The following LRRK2 variants were observed in gnomAD, a reference collection of about 807,000 sequenced individuals.
LRRK2 encodes leucine rich repeat kinase 2.
Under a neutral mutation model 302.6 loss-of-function variants are expected in LRRK2, and 203 were observed. The observed-to-expected ratio is 0.67, with a 90% CI of 0.60 to 0.75. The LOEUF is 0.75. Among genes scored for constraint, LRRK2 ranks in the 30% least tolerant of loss-of-function variants. LRRK2 has a pLI of 0.00. For missense variants in LRRK2, 2,830 were observed against 2,951.0 expected, an observed-to-expected ratio of 0.96 and a Z score of 0.95; for synonymous variants, 1,066 against 1,031.9, an observed-to-expected ratio of 1.03 and a Z score of -0.63.
At chr12:40,348,315 C>A in intron 42 of LRRK2, 94 bp from the exon 43 acceptor site, 1 of 826,142 alleles carries the variant, frequency 1.2e-6, no homozygotes, top group East Asian at 2.6e-5. Flanking sequence ...TAATATTTTT[C>A]TTTGCAATGT....
intron 46 of LRRK2, among the ~76,000 whole-genome samples, chr12:40,358,728 T>G (rs979892619): frequency 3.4e-4 from 14 of 40,854 alleles, no homozygotes; most frequent in African/African-American, 1.0e-3. Context: ...CCACTCAAGT[T>G]TTAGAAATTT....
chr12:40,251,317 T>C lies in LRRK2; in HGVS notation c.1044T>C (p.Phe348=). The change falls in exon 9 of 51, where the codon TTT becomes TTC. Residue 348 remains phenylalanine, a synonymous_variant. Transcript: ENST00000298910. ...ATGAGGGGGAAGAAGATAAATTGTT[T>C]TGGCTGGAAGCCTGTTACAAAGCAT... ...NDDEGEEDKL[F]WLEACYKALT... The C allele has an allele frequency of 1.2e-6, 2 of 1,613,890 alleles. No homozygotes were observed. Among genetic ancestry groups the C allele is most frequent in the Middle Eastern group, 3.3e-4 (2 of 6,060 alleles).
intron 44 of LRRK2, among the ~76,000 whole-genome samples, chr12:40,352,254 A>C (rs1372627978): frequency 6.6e-6 from 1 of 152,164 alleles, no homozygotes; most frequent in African/African-American, 2.4e-5. Context: ...TGTGATAAAT[A>C]GCACATCTCT....
At position 40,240,625 on chromosome 12, in the gene LRRK2, G is replaced by T. The variant is rs745873823; in HGVS notation, c.706+8G>T. ...ATTCCCTAGCGATTCCTTGTAAGTA[G>T]CATTTAAATGTTATTTATTTTTTGT... On this transcript the variant is annotated splice_region_variant and intron_variant, in intron 6 of 50. Coordinates refer to ENST00000298910, the MANE Select transcript of LRRK2 (RefSeq NM_198578.4). 5 of 1,610,988 alleles carry T rather than the reference G, an allele frequency of 3.1e-6. No homozygotes were observed. Among genetic ancestry groups the T allele is most frequent in the East Asian group, 2.2e-5 (1 of 44,746 alleles).
intron 33 of LRRK2, among the ~76,000 whole-genome samples, chr12:40,317,732 G>T (rs182853438): frequency 2.8e-4 from 43 of 152,212 alleles, no homozygotes; most frequent in African/African-American, 9.9e-4. Context: ...TAAGGCATCA[G>T]TTAGCTATTC....
Position 40,251,222 on chromosome 12 carries a change from T to A in LRRK2, c.959-10T>A. On this transcript the variant is annotated splice_polypyrimidine_tract_variant and intron_variant, in intron 8 of 50. Coordinates refer to ENST00000298910, the MANE Select transcript of LRRK2 (RefSeq NM_198578.4). The stretch of plus-strand genomic sequence containing the variant: ...ATAATGTTTTTATATATTTTTCAAT[T>A]TTTTTCAAGCTGAGACTATTTTCTT... 1 of 1,528,492 alleles carries A rather than the reference T, an allele frequency of 6.5e-7. No homozygotes were observed. The highest frequency in any genetic ancestry group is 8.9e-7 in the Non-Finnish European group (1 of 1,123,762). The allele number at this position is 1,528,492 out of a possible 1,614,324, so 94.7% of individuals were successfully genotyped here.
chr12:40,342,917 G>C (rs1946089307), intron 41 of LRRK2, among the ~76,000 whole-genome samples: 1 of 152,008 alleles, frequency 6.6e-6, no homozygotes, highest in Non-Finnish European at 1.5e-5. Context: ...GATGTGCTGG[G>C]CTTGTGCTTA....
intron 39 of LRRK2, among the ~76,000 whole-genome samples, chr12:40,331,977 A>G (rs1392700177): frequency 1.3e-5 from 2 of 152,178 alleles, no homozygotes; most frequent in African/African-American, 4.8e-5. Context: ...GTACAGAAGG[A>G]AAGAGGGTAC....
chr12:40,354,940 T>G (rs989128033), intron 45 of LRRK2, among the ~76,000 whole-genome samples: 5 of 152,152 alleles, frequency 3.3e-5, no homozygotes, highest in Admixed American at 1.3e-4. Flanking sequence ...ATAAATGAAT[T>G]AATAAATTCT....
chr12:40,308,523 T>C lies in LRRK2; in HGVS notation c.4016T>C (p.Ile1339Thr), dbSNP rs201640287. 2 of 1,613,970 alleles carry C rather than the reference T, an allele frequency of 1.2e-6. No homozygotes were observed. The highest frequency in any genetic ancestry group is 1.7e-6 in the Non-Finnish European group (2 of 1,179,942). The change falls in exon 29 of 51, where the codon ATT (isoleucine) becomes ACT (threonine). Residue 1339 changes from isoleucine to threonine, a missense_variant. Coordinates refer to ENST00000298910, the MANE Select transcript of LRRK2 (RefSeq NM_198578.4). ...AVPYNRMKLM[I>T]VGNTGSGKTT... ...CCTTATAACCGAATGAAACTTATGATTGTGGGAAATACTGGGAGTGGTAAA... is the reference window on the plus strand; with the variant it reads ...CCTTATAACCGAATGAAACTTATGACTGTGGGAAATACTGGGAGTGGTAAA...
At chr12:40,237,490 A>G (rs545672410) in intron 4 of LRRK2, among the ~76,000 whole-genome samples, 1 of 152,318 alleles carries the variant, frequency 6.6e-6, no homozygotes, top group South Asian at 2.1e-4. Context: ...GGACTTGGTA[A>G]TGAATTGATT....
chr12:40,356,879 T>C (rs908299786), intron 46 of LRRK2, among the ~76,000 whole-genome samples: 1 of 152,234 alleles, frequency 6.6e-6, no homozygotes, highest in Non-Finnish European at 1.5e-5. Flanking sequence ...ATGCATAGAA[T>C]GTGTAATGAT....
chr12:40,289,606 G>T (rs990926956), intron 20 of LRRK2, among the ~76,000 whole-genome samples: 1 of 149,764 alleles, frequency 6.7e-6, no homozygotes, highest in Non-Finnish European at 1.5e-5. Context: ...TATTAATAAT[G>T]AGTCTTTTGA....
intron 18 of LRRK2, 57 bp downstream of exon 18, chr12:40,278,318 G>A: frequency 3.2e-6 from 5 of 1,584,702 alleles, no homozygotes; most frequent in Non-Finnish European, 4.3e-6. Flanking sequence ...GAATGTAAGA[G>A]CCCTGCCATT....
chr12:40,249,190 T>A (rs761967039), intron 7 of LRRK2, among the ~76,000 whole-genome samples: 13 of 152,194 alleles, frequency 8.5e-5, no homozygotes, highest in Non-Finnish European at 1.5e-4. Flanking sequence ...GGTACATATT[T>A]CTGCAGTATC....
chr12:40,225,673 C>G, intron 2 of LRRK2, 33 bp downstream of exon 2: 1 of 1,565,214 alleles, frequency 6.4e-7, no homozygotes, highest in South Asian at 1.1e-5. Context: ...AACTCATTCT[C>G]CCTTCTGTTT....
rs551557171 is a variant in LRRK2, at chr12:40,267,461, A to G, written c.1656+3560A>G. Among the ~76,000 whole-genome samples, 6 of 152,220 alleles carry G rather than the reference A, an allele frequency of 3.9e-5. No individual in the cohort carries two copies. The South Asian group carries it at 1.2e-3, about 32-fold the overall frequency. On this transcript the variant is annotated intron_variant, in intron 14 of 50. Coordinates refer to ENST00000298910, the MANE Select transcript of LRRK2 (RefSeq NM_198578.4). ...TGGTGAAAAGTGGAAGAGGTACCAA[A>G]ACAGCCGTATAGATAACTGGTTCCA... is the stretch of plus-strand genomic sequence containing the variant.
In LRRK2 at chr12:40,348,340, A is replaced by G. The variant is rs1452741252; in HGVS notation, c.6281-69A>G. Reference sequence around the variant, plus strand: ...CTTTGCAATGTCTGGACCTTTTATAAACATTGAGAGGAAATATAACCATTC... The same window carrying G: ...CTTTGCAATGTCTGGACCTTTTATAGACATTGAGAGGAAATATAACCATTC... On this transcript the variant is annotated intron_variant, in intron 42 of 50. Transcript: ENST00000298910. 2.8e-6 allele frequency: 3 copies of G among 1,077,852 alleles called. No homozygotes were observed. The African/African-American group carries it at 4.6e-5, about 17-fold the overall frequency. The allele number at this position is 1,077,852 out of a possible 1,614,324, so 66.8% of individuals were successfully genotyped here.
chr12:40,358,498 A>G (rs1946610048), intron 46 of LRRK2, among the ~76,000 whole-genome samples: 1 of 152,076 alleles, frequency 6.6e-6, no homozygotes, highest in African/African-American at 2.4e-5. Flanking sequence ...TCTTTCTCCC[A>G]TGTATGCTTT....
Sources: gnomAD v4.1 joint callset for allele counts (sites outside exome capture counted in the v4.1 genomes callset) on GRCh38, gnomAD v4.1.1 for gene constraint, MANE v1.5 for transcripts, NCBI Gene and HGNC (gene_info 2026-07-23, HGNC 2026-07-21) for gene names.